Variants in PODXL observed in about 807,000 individuals in gnomAD.
PODXL encodes the protein podocalyxin.
PODXL carries 20 observed loss-of-function variants against 48.9 expected under a neutral mutation model. The ratio of observed to expected loss-of-function variants is 0.41; its 90% CI spans 0.29 to 0.59. PODXL has a LOEUF of 0.59. Ranked by LOEUF, PODXL falls within the 20% of genes least tolerant of loss-of-function variation. The probability of loss-of-function intolerance (pLI) is 0.31; values close to 1 mark genes in which losing one functional copy is unlikely to be tolerated. For synonymous variants in PODXL, 295 were observed against 287.4 expected, an observed-to-expected ratio of 1.03 and a Z score of -0.27; for missense variants, 606 against 675.1, an observed-to-expected ratio of 0.90 and a Z score of 1.13.
intron 1 of PODXL, among the ~76,000 whole-genome samples, chr7:131,552,469 G>A (rs1322316769): frequency 6.6e-6 from 1 of 152,132 alleles, no homozygotes; most frequent in Non-Finnish European, 1.5e-5. Flanking sequence ...AAAACCCCAG[G>A]CAGCACCCTC....
rs1381022422 is a variant in PODXL, at chr7:131,539,239, G to A, written c.100+17021C>T. ...TCTGCAAATGGAGACCTGGATGTCT[G>A]TGTGAGCCGGGGACCTCTTTGGACC... is the stretch of plus-strand genomic sequence containing the variant. On this transcript the variant is annotated intron_variant, in intron 1 of 8. Coordinates refer to ENST00000378555, the MANE Select transcript of PODXL (RefSeq NM_001018111.3). Among the ~76,000 whole-genome samples, 6 of 152,260 alleles carry A rather than the reference G, an allele frequency of 3.9e-5. No individual in the cohort carries two copies. In the East Asian group the frequency reaches 1.2e-3, roughly 29 times the overall value.
intron 1 of PODXL, among the ~76,000 whole-genome samples, chr7:131,539,854 C>G (rs1798446523): frequency 6.6e-6 from 1 of 152,158 alleles, no homozygotes; most frequent in Non-Finnish European, 1.5e-5. Context: ...CACTCACATG[C>G]TGGAACTTTC....
At chr7:131,551,862 G>A (rs770688997) in intron 1 of PODXL, among the ~76,000 whole-genome samples, 46 of 151,830 alleles carry the variant, frequency 3.0e-4, no homozygotes, top group Non-Finnish European at 4.3e-4. Context: ...GCGTGAACCC[G>A]GGAGGTGGAG....
chr7:131,511,216 G>A lies in PODXL; in HGVS notation c.318C>T (p.Thr106=), dbSNP rs905031749. 5.6e-6 allele frequency: 9 copies of A among 1,613,914 alleles called. No individual in the cohort carries two copies. The highest frequency in any genetic ancestry group is 2.7e-5 in the African/African-American group (2 of 74,868). Reference sequence around the variant, plus strand: ...TGCCTGAGCCGCCTCCTCTAGCCACGGTAGTGTTGACTGGGCCTGAGACTT... The same window carrying A: ...TGCCTGAGCCGCCTCCTCTAGCCACAGTAGTGTTGACTGGGCCTGAGACTT... ...AQQVSGPVNT[T]VARGGGSGNP... is the part of the protein sequence containing the mutation. Residue 106 remains threonine, a synonymous_variant, in exon 2 of 9, where the codon ACC becomes ACT. Transcript: ENST00000378555.
intron 5 of PODXL, among the ~76,000 whole-genome samples, chr7:131,508,511 C>CT (rs1797849229): frequency 6.6e-6 from 1 of 152,172 alleles, no homozygotes; most frequent in Non-Finnish European, 1.5e-5. Context: ...CCTGCCTCAG[C>CT]TTCTCAAAGT....
chr7:131,513,668 T>C (rs1044423766), intron 1 of PODXL, among the ~76,000 whole-genome samples: 2 of 152,180 alleles, frequency 1.3e-5, no homozygotes, highest in Admixed American at 6.5e-5. Flanking sequence ...GGTGACATCA[T>C]GCATGGAGGT....
At chr7:131,527,965 G>A (rs1178951366) in intron 1 of PODXL, among the ~76,000 whole-genome samples, 2 of 148,660 alleles carry the variant, frequency 1.3e-5, no homozygotes, top group Non-Finnish European at 3.0e-5. Context: ...GTGCAGTGGT[G>A]CAATCTCAGC....
chr7:131,525,439 A>T (rs1476825682), intron 1 of PODXL, among the ~76,000 whole-genome samples: 1 of 149,492 alleles, frequency 6.7e-6, no homozygotes, highest in African/African-American at 2.4e-5. Flanking sequence ...AAAAAAAAAA[A>T]AAAAAAAAAA....
intron 1 of PODXL, among the ~76,000 whole-genome samples, chr7:131,547,794 A>G (rs1474079829): frequency 2.0e-5 from 3 of 152,190 alleles, no homozygotes; most frequent in East Asian, 1.9e-4. Context: ...GTGGCCCCCA[A>G]GGCAGCTCCA....
intron 1 of PODXL, among the ~76,000 whole-genome samples, chr7:131,521,092 C>T (rs1798085302): frequency 6.7e-6 from 1 of 149,686 alleles, no homozygotes. Flanking sequence ...TACTTGAACC[C>T]AGGAGGCAGA....
intron 1 of PODXL, among the ~76,000 whole-genome samples, chr7:131,537,460 G>A (rs1452815523): frequency 6.6e-6 from 1 of 152,114 alleles, no homozygotes; most frequent in Non-Finnish European, 1.5e-5. Context: ...GGTAGCACGT[G>A]CCTGTAGTCT....
chr7:131,509,142 T>C (rs1241941450), intron 4 of PODXL, 114 bp from the exon 5 acceptor site: 1 of 1,003,426 alleles, frequency 1.0e-6, no homozygotes, highest in African/African-American at 1.6e-5. Context: ...GCTGGAGGCA[T>C]GGCTGGACCC....
At chr7:131,521,242 G>T (rs1339036755) in intron 1 of PODXL, among the ~76,000 whole-genome samples, 1 of 151,932 alleles carries the variant, frequency 6.6e-6, no homozygotes, top group East Asian at 1.9e-4. Flanking sequence ...ACCCTGAAAA[G>T]TGGAGACAGA....
intron 1 of PODXL, among the ~76,000 whole-genome samples, chr7:131,520,758 T>C (rs1798078827): frequency 6.6e-6 from 1 of 152,194 alleles, no homozygotes; most frequent in South Asian, 2.1e-4. Context: ...AAAAGACTGA[T>C]ACATTTAGCG....
At chr7:131,532,522 G>GC (rs1201568840) in intron 1 of PODXL, among the ~76,000 whole-genome samples, 54 of 150,296 alleles carry the variant, frequency 3.6e-4, no homozygotes, top group Admixed American at 6.6e-4. Context: ...TTTTTTGGAG[G>GC]GGGGGTACAT....
chr7:131,518,952 G>C (rs939389507), intron 1 of PODXL, among the ~76,000 whole-genome samples: 1 of 152,114 alleles, frequency 6.6e-6, no homozygotes, highest in African/African-American at 2.4e-5. Context: ...TCACACTCCA[G>C]ACCTATCCCT....
chr7:131,530,848 C>T (rs899705797), intron 1 of PODXL, among the ~76,000 whole-genome samples: 5 of 151,674 alleles, frequency 3.3e-5, no homozygotes, highest in African/African-American at 7.3e-5. Flanking sequence ...CACCTGAGGT[C>T]GGGAGTATGA....
chr7:131,547,843 G>A (rs924384392), intron 1 of PODXL, among the ~76,000 whole-genome samples: 6 of 152,146 alleles, frequency 3.9e-5, no homozygotes, highest in African/African-American at 7.2e-5. Flanking sequence ...ACTGGCCCCC[G>A]GCTGCTGCTG....
chr7:131,552,512 C>T (rs549685992), intron 1 of PODXL, among the ~76,000 whole-genome samples: 60 of 152,302 alleles, frequency 3.9e-4, no homozygotes, highest in African/African-American at 1.3e-3. Context: ...CTGAGGAAAA[C>T]CAGATGGGGG....
Sources: allele counts gnomAD v4.1 joint callset (sites outside exome capture counted in the v4.1 genomes callset), GRCh38; gene constraint gnomAD v4.1.1; transcripts MANE v1.5; gene names NCBI Gene and HGNC (gene_info 2026-07-23, HGNC 2026-07-21).